FOCAD: variants seen among roughly 807,000 people sequenced by gnomAD.
FOCAD encodes the protein focadhesin, also known as KIAA1797.
A neutral mutation model predicts 225.6 loss-of-function variants in FOCAD; 198 were observed. That is an observed-to-expected ratio of 0.88 (90% CI 0.78 to 0.99). FOCAD has a LOEUF of 0.99. Among genes scored for constraint, FOCAD ranks in the 50% least tolerant of loss-of-function variants. The probability of loss-of-function intolerance (pLI) is 0.00; values close to 1 mark genes in which losing one functional copy is unlikely to be tolerated. For synonymous variants in FOCAD, 897 were observed against 755.0 expected (o/e 1.19, Z -3.08); for missense variants, 2,713 against 2,123.6 (o/e 1.28, Z -5.46).
At chr9:20,664,895 A>G (rs2131264959) in intron 2 of FOCAD, among the ~76,000 whole-genome samples, 1 of 152,182 alleles carries the variant, frequency 6.6e-6, no homozygotes, top group African/African-American at 2.4e-5. Context: ...ACCTCAATAA[A>G]ACTATTTTTC....
At chr9:20,932,204 T>C (rs375808080) in intron 27 of FOCAD, among the ~76,000 whole-genome samples, 105 of 152,308 alleles carry the variant, frequency 6.9e-4, no homozygotes, top group African/African-American at 2.4e-3. Context: ...CATTTGTTTT[T>C]CATTGCAAAA....
intron 1 of FOCAD, among the ~76,000 whole-genome samples, chr9:20,706,725 T>C (rs1456839674): frequency 2.0e-5 from 3 of 152,160 alleles, no homozygotes; most frequent in Non-Finnish European, 2.9e-5. Flanking sequence ...TTATATTAGT[T>C]AAGGAAGTGC....
At chr9:20,661,925 G>A (rs565017977) in intron 2 of FOCAD, among the ~76,000 whole-genome samples, 50 of 151,826 alleles carry the variant, frequency 3.3e-4, no homozygotes, top group Non-Finnish European at 6.3e-4. Flanking sequence ...GAAAGAATGA[G>A]GAAATTCTTT....
chr9:20,725,769 G>C (rs767772619), intron 4 of FOCAD, among the ~76,000 whole-genome samples: 3 of 152,182 alleles, frequency 2.0e-5, no homozygotes, highest in Non-Finnish European at 4.4e-5. Flanking sequence ...CAATGATCTG[G>C]TTGTCTAAAC....
In FOCAD at chr9:20,923,686, C is replaced by T. The variant is rs371813912; in HGVS notation, c.2879C>T (p.Ala960Val). Reference sequence around the variant, plus strand: ...GAGAGTCCGGTAGTGAAAGGCAATGCGCTGTTAGCTCTAAGCAGCCTTGCT... The same window carrying T: ...GAGAGTCCGGTAGTGAAAGGCAATGTGCTGTTAGCTCTAAGCAGCCTTGCT... ...AKESPVVKGN[A>V]LLALSSLAVV... The change falls in exon 25 of 44, where the codon GCG becomes GTG. Residue 960 changes from alanine to valine, a missense_variant. Physicochemically the swap from Ala to Val is moderately conservative, Grantham distance 64. Coordinates refer to ENST00000338382, the MANE Select transcript of FOCAD (RefSeq NM_001375567.1). 2.9e-5 allele frequency: 47 copies of T among 1,613,828 alleles called. No homozygotes were observed. In the Middle Eastern group the frequency reaches 5.0e-4, roughly 17 times the overall value.
At position 20,739,422 on chromosome 9, in the gene FOCAD, G is replaced by A. The variant is rs528385111; in HGVS notation, c.288-814G>A. 2.0e-5 allele frequency among the ~76,000 whole-genome samples: 3 copies of A among 152,134 alleles called. No individual in the cohort carries two copies. In the East Asian group the frequency reaches 5.8e-4, roughly 29 times the overall value. Reference sequence around the variant, plus strand: ...AGTTTGAGACCAGCCTGACCAACATGGTGAAACCTTGTCTCTACTAAAAAT... The same window carrying A: ...AGTTTGAGACCAGCCTGACCAACATAGTGAAACCTTGTCTCTACTAAAAAT... On this transcript the variant is annotated intron_variant, in intron 4 of 43. Transcript: ENST00000338382.
At chr9:20,979,959 T>G (rs1239170787) in intron 37 of FOCAD, among the ~76,000 whole-genome samples, 1 of 152,132 alleles carries the variant, frequency 6.6e-6, no homozygotes, top group East Asian at 1.9e-4. Context: ...TTGAGTACCT[T>G]TACAGGTTTT....
intron 10 of FOCAD, among the ~76,000 whole-genome samples, chr9:20,784,536 C>G (rs532224794): frequency 6.6e-6 from 1 of 152,236 alleles, no homozygotes; most frequent in African/African-American, 2.4e-5. Context: ...GAAAAGGAGA[C>G]TTAAAAGCTA....
rs751441485 is a variant in FOCAD at position 20,907,219 on chromosome 9, C to G, written c.2695C>G (p.Arg899Gly). The change falls in exon 22 of 44, where the codon CGA becomes GGA. Residue 899 changes from arginine to glycine, a missense_variant. Physicochemically the swap from Arg to Gly is moderately radical, Grantham distance 125 (BLOSUM62 -2). Coordinates refer to ENST00000338382, the MANE Select transcript of FOCAD (RefSeq NM_001375567.1). ...ACAGGCCTGGCTTGCATACATGAAT[C>G]GAGCTTATCATGCCATTTTACAGGT... ...LPQAWLAYMNRAYHAILQGRL... is the reference protein window; with the variant it reads ...LPQAWLAYMNGAYHAILQGRL... 1 of 1,613,070 alleles carries G rather than the reference C, an allele frequency of 6.2e-7. No individual in the cohort carries two copies. Among genetic ancestry groups the G allele is most frequent in the South Asian group, 1.1e-5 (1 of 91,038 alleles).
chr9:20,913,015 GTAAC>G, intron 23 of FOCAD, 61 bp downstream of exon 23: 1 of 1,377,354 alleles, frequency 7.3e-7, no homozygotes, highest in Non-Finnish European at 1.0e-6. Flanking sequence ...GAGGGGAAAG[GTAAC>G]TACTTTAAAG....
At chr9:20,738,729 C>T (rs1827355530) in intron 4 of FOCAD, among the ~76,000 whole-genome samples, 1 of 152,196 alleles carries the variant, frequency 6.6e-6, no homozygotes, top group Admixed American at 6.5e-5. Context: ...TGAGTGTCTA[C>T]AGCAGTGCTG....
At chr9:20,850,878 A>G (rs1827579818) in intron 15 of FOCAD, among the ~76,000 whole-genome samples, 1 of 148,742 alleles carries the variant, frequency 6.7e-6, no homozygotes, top group African/African-American at 2.5e-5. Flanking sequence ...TCTTAACACA[A>G]GGTTTTGTAA....
intron 18 of FOCAD, among the ~76,000 whole-genome samples, chr9:20,873,175 G>A (rs1468668872): frequency 6.6e-6 from 1 of 151,956 alleles, no homozygotes; most frequent in Non-Finnish European, 1.5e-5. Context: ...ATTTCTCTTG[G>A]TTATATACCT....
intron 9 of FOCAD, 60 bp from the exon 10 acceptor site, chr9:20,781,667 G>T: frequency 6.7e-7 from 1 of 1,483,516 alleles, no homozygotes; most frequent in South Asian, 1.1e-5. Flanking sequence ...AAGCAAAATT[G>T]CATTTTGTTT....
At chr9:20,762,415 T>A (rs1829680985) in intron 6 of FOCAD, among the ~76,000 whole-genome samples, 1 of 152,232 alleles carries the variant, frequency 6.6e-6, no homozygotes, top group African/African-American at 2.4e-5. Context: ...TTCTTCAGAC[T>A]GTGAGCTCTA....
At chr9:20,880,020 A>G (rs1173789393) in intron 19 of FOCAD, among the ~76,000 whole-genome samples, 1 of 152,190 alleles carries the variant, frequency 6.6e-6, no homozygotes, top group African/African-American at 2.4e-5. Flanking sequence ...TGCATTCTGT[A>G]AAGTCTATAA....
intron 26 of FOCAD, 125 bp from the exon 27 acceptor site, chr9:20,929,233 A>G (rs1199511543): frequency 1.5e-6 from 1 of 678,124 alleles, no homozygotes; most frequent in Non-Finnish European, 2.5e-6. Flanking sequence ...TAAAAAATGT[A>G]TTATTTTGGG....
chr9:20,804,442 G>A (rs1358789345), intron 11 of FOCAD, among the ~76,000 whole-genome samples: 2 of 151,960 alleles, frequency 1.3e-5, no homozygotes, highest in Non-Finnish European at 2.9e-5. Flanking sequence ...CTGCAAAATT[G>A]CTGAGGAAAG....
chr9:20,925,293 C>A (rs1834833958), intron 25 of FOCAD, among the ~76,000 whole-genome samples: 1 of 152,260 alleles, frequency 6.6e-6, no homozygotes, highest in South Asian at 2.1e-4. Context: ...TTTCTATGAT[C>A]CCTTCACTTT....
Sources: gnomAD v4.1 joint callset for allele counts (sites outside exome capture counted in the v4.1 genomes callset) on GRCh38, gnomAD v4.1.1 for gene constraint, MANE v1.5 for transcripts, NCBI Gene and HGNC (gene_info 2026-07-23, HGNC 2026-07-21) for gene names.